UNC80: variants seen among roughly 807,000 people sequenced by gnomAD.
UNC80 encodes the protein unc-80 subunit of NALCN channel complex, also known as protein unc-80 homolog.
Under a neutral mutation model 384.6 loss-of-function variants are expected in UNC80, and 164 were observed. The observed-to-expected ratio is 0.43, with a 90% CI of 0.38 to 0.49. The LOEUF (loss-of-function observed/expected upper bound fraction) is 0.49. Among genes scored for constraint, UNC80 ranks in the 20% least tolerant of loss-of-function variants. The pLI, the probability that UNC80 is intolerant of heterozygous loss-of-function variation, is 0.00. For synonymous variants in UNC80, 1,486 were observed against 1,527.8 expected (o/e 0.97, Z 0.64); for missense variants, 3,330 against 4,143.0 (o/e 0.80, Z 5.39).
At chr2:209,844,117 C>CA (rs1317015314) in intron 21 of UNC80, among the ~76,000 whole-genome samples, 1 of 152,308 alleles carries the variant, frequency 6.6e-6, no homozygotes, top group East Asian at 1.9e-4. Context: ...TTCCACTCCT[C>CA]ACGATATTTT....
intron 44 of UNC80, among the ~76,000 whole-genome samples, chr2:209,943,161 C>T (rs2091735208): frequency 6.6e-6 from 1 of 152,096 alleles, no homozygotes; most frequent in African/African-American, 2.4e-5. Context: ...AATTCCTAGT[C>T]ACAAACTTCC....
intron 22 of UNC80, among the ~76,000 whole-genome samples, chr2:209,858,510 C>G (rs930142556): frequency 2.6e-5 from 4 of 151,984 alleles, no homozygotes; most frequent in African/African-American, 9.7e-5. Context: ...GAGTTCAAGA[C>G]CAGCCTGGCC....
rs1458796722 is a variant in UNC80, at chr2:209,856,898, C to A, written c.3627+7275C>A. Among the ~76,000 whole-genome samples, 3 of 152,040 alleles carry A rather than the reference C, an allele frequency of 2.0e-5. No individual in the cohort carries two copies. In the East Asian group the frequency reaches 5.8e-4, roughly 29 times the overall value. Reference sequence around the variant, plus strand: ...CACCTCCCAGGTTCGAGTAATTCTTCTGTCTCTCAGCCTCCCAAGTAGCTG... The same window carrying A: ...CACCTCCCAGGTTCGAGTAATTCTTATGTCTCTCAGCCTCCCAAGTAGCTG... On this transcript the variant is annotated intron_variant, in intron 22 of 64. Coordinates refer to ENST00000673920, the MANE Select transcript of UNC80 (RefSeq NM_001371986.1).
Position 209,839,216 on chromosome 2 carries a change from C to T in UNC80, c.3042-6C>T. The T allele has an allele frequency of 6.4e-7, 1 of 1,551,166 alleles. No individual in the cohort carries two copies. The highest frequency in any genetic ancestry group is 1.2e-5 in the South Asian group (1 of 84,028). The stretch of plus-strand genomic sequence containing the variant: ...AAGTTTAACCCTATCCTCTGCTTGC[C>T]TACAGCGATGAACAAATGCAAGGAG... On this transcript the variant is annotated splice_region_variant and splice_polypyrimidine_tract_variant and intron_variant, in intron 18 of 64. Coordinates refer to ENST00000673920, the MANE Select transcript of UNC80 (RefSeq NM_001371986.1). The surrounding 1 kb of genome is among the most constrained non-coding windows in gnomAD (Gnocchi z 4.1).
intron 63 of UNC80, 133 bp from the exon 64 acceptor site, chr2:209,993,932 C>T (rs2125034460): frequency 2.6e-6 from 2 of 774,884 alleles, no homozygotes; most frequent in Non-Finnish European, 4.0e-6. Context: ...AACGTGCTCT[C>T]ATTTATTAAT....
intron 29 of UNC80, among the ~76,000 whole-genome samples, chr2:209,908,912 C>T (rs546052635): frequency 1.6e-3 from 240 of 152,218 alleles, no homozygotes; most frequent in Non-Finnish European, 2.0e-3. Context: ...TTCCCAGAAA[C>T]GAGGAAATCC....
In UNC80 at chr2:209,937,582, T is replaced by G. The variant is rs1157479957; in HGVS notation, c.6417T>G (p.Asn2139Lys). ...GGAGGTCAGTATCTCCCCAGCTGAATCTTGTACATATGCATCCAGAGAAGG... is the reference window on the plus strand; with the variant it reads ...GGAGGTCAGTATCTCCCCAGCTGAAGCTTGTACATATGCATCCAGAGAAGG... The part of the protein sequence containing the change: ...PFRRSVSPQL[N>K]LVHMHPEKGQ... The change falls in exon 42 of 65, where the codon AAT (asparagine) becomes AAG (lysine). Residue 2139 changes from asparagine to lysine, a missense_variant. Asn to Lys is a moderately conservative substitution (Grantham distance 94). This residue lies in a region of UNC80 where 1,049 missense variants were observed against 1,488.6 expected (regional missense o/e 0.70). Coordinates refer to ENST00000673920, the MANE Select transcript of UNC80 (RefSeq NM_001371986.1). The G allele has an allele frequency of 1.3e-6, 2 of 1,551,924 alleles. No homozygotes were observed. Among genetic ancestry groups the G allele is most frequent in the Admixed American group, 3.9e-5 (2 of 51,014 alleles).
intron 22 of UNC80, among the ~76,000 whole-genome samples, chr2:209,855,925 G>A (rs920041328): frequency 6.6e-6 from 1 of 151,602 alleles, no homozygotes; most frequent in Non-Finnish European, 1.5e-5. Flanking sequence ...CAAAATTCTG[G>A]CTAATTTTAG....
chr2:209,986,777 C>T (rs552956082), intron 61 of UNC80, among the ~76,000 whole-genome samples: 2 of 152,306 alleles, frequency 1.3e-5, no homozygotes, highest in East Asian at 3.9e-4. Context: ...GTAGCACATC[C>T]ACCTTTGCCA....
intron 27 of UNC80, among the ~76,000 whole-genome samples, chr2:209,894,979 A>G (rs1002876622): frequency 1.3e-5 from 2 of 152,230 alleles, no homozygotes; most frequent in Non-Finnish European, 2.9e-5. Context: ...CAGTGAGAAT[A>G]ATTCTTGCCT....
In UNC80 at chr2:209,819,401, T is replaced by C. The variant is rs973817221; in HGVS notation, c.1962+140T>C. On this transcript the variant is annotated intron_variant, in intron 12 of 64. Transcript: ENST00000673920. ...TGAAAAAGCCACCCACTGAAAAAAA[T>C]TCACCAATGTTTCAACCATCATAGG... 6.5e-6 allele frequency: 6 copies of C among 924,478 alleles called. No homozygotes were observed. In the African/African-American group the frequency reaches 8.4e-5, roughly 13 times the overall value. 57.3% of individuals were successfully genotyped at this position (924,478 alleles called of 1,614,324 possible).
At chr2:209,973,029 C>T in intron 55 of UNC80, 35 bp from the exon 56 acceptor site, 3 of 1,545,178 alleles carry the variant, frequency 1.9e-6, no homozygotes, top group Non-Finnish European at 2.6e-6. Context: ...TGATGTTTTT[C>T]TTTCCACTTC....
At chr2:209,913,216 C>CA (rs1263046672) in intron 30 of UNC80, among the ~76,000 whole-genome samples, 3 of 152,080 alleles carry the variant, frequency 2.0e-5, no homozygotes, top group Non-Finnish European at 4.4e-5. Flanking sequence ...TTCTCCCCCC[C>CA]AAAAAAATTG....
intron 35 of UNC80, among the ~76,000 whole-genome samples, chr2:209,926,384 TTG>T (rs2090438222): frequency 6.6e-6 from 1 of 152,226 alleles, no homozygotes; most frequent in South Asian, 2.1e-4. Flanking sequence ...AAGAGGCACT[TTG>T]TGTAACGTAA....
In UNC80 at chr2:209,801,620, A is replaced by T. The variant is rs376017981; in HGVS notation, c.938+7761A>T. Among the ~76,000 whole-genome samples, 22 of 141,772 alleles carry T rather than the reference A, an allele frequency of 1.6e-4. No individual in the cohort carries two copies. The East Asian group carries it at 4.8e-3, about 31-fold the overall frequency. 93.0% of individuals were successfully genotyped at this position (141,772 alleles called of 152,430 possible). ...CTGGTCTTGAACTCCAGACCTTGTG[A>T]TCCACCCACCTCGGCCTCCCAAAGT... is the stretch of plus-strand genomic sequence containing the variant. On this transcript the variant is annotated intron_variant, in intron 7 of 64. Transcript: ENST00000673920.
intron 49 of UNC80, among the ~76,000 whole-genome samples, chr2:209,958,257 C>T (rs965742522): frequency 5.9e-5 from 9 of 152,078 alleles, no homozygotes; most frequent in Non-Finnish European, 8.8e-5. Context: ...ATATTTTACC[C>T]GTTTCATTCC....
intron 43 of UNC80, among the ~76,000 whole-genome samples, chr2:209,940,160 A>G (rs1302882966): frequency 6.6e-6 from 1 of 152,128 alleles, no homozygotes; most frequent in African/African-American, 2.4e-5. Context: ...TACTTGACTA[A>G]ACAAAGACCG....
chr2:209,894,158 T>C lies in UNC80; in HGVS notation c.4277-5T>C. 3.0e-6 allele frequency: 3 copies of C among 985,328 alleles called. No individual in the cohort carries two copies. Among genetic ancestry groups the C allele is most frequent in the Non-Finnish European group, 3.6e-6 (3 of 829,906 alleles). 61.0% of individuals were successfully genotyped at this position (985,328 alleles called of 1,614,324 possible). ...AAAAAGCCCTATTTTATTCTTTTAATACAGTTCCCAGCAGGAAGATCAGGA... is the reference window on the plus strand; with the variant it reads ...AAAAAGCCCTATTTTATTCTTTTAACACAGTTCCCAGCAGGAAGATCAGGA... On this transcript the variant is annotated splice_polypyrimidine_tract_variant and splice_region_variant and intron_variant, in intron 26 of 64. Transcript: ENST00000673920.
At chr2:209,888,739 C>T (rs1012942212) in intron 26 of UNC80, among the ~76,000 whole-genome samples, 1 of 152,042 alleles carries the variant, frequency 6.6e-6, no homozygotes, top group African/African-American at 2.4e-5. Context: ...CCTCAGCCTC[C>T]CTAGTAGCTG....
Sources: allele counts gnomAD v4.1 joint callset (sites outside exome capture counted in the v4.1 genomes callset), GRCh38; gene constraint gnomAD v4.1.1; regional missense constraint gnomAD v4.1.1; non-coding constraint Gnocchi (gnomAD v3.1); transcripts MANE v1.5; gene names NCBI Gene and HGNC (gene_info 2026-07-23, HGNC 2026-07-21).